Variants in ANKRD55 observed in about 807,000 individuals in gnomAD.
ANKRD55 encodes the protein ankyrin repeat domain-containing protein 55.
A neutral mutation model predicts 60.6 loss-of-function variants in ANKRD55; 41 were observed. That is an observed-to-expected ratio of 0.68 (90% confidence interval 0.53 to 0.88). The LOEUF is 0.88. ANKRD55 is among the 40% of genes least tolerant of loss of function. The probability of loss-of-function intolerance (pLI) is 0.00; values close to 1 mark genes in which losing one functional copy is unlikely to be tolerated. For synonymous variants in ANKRD55, 264 were observed against 290.3 expected, an observed-to-expected ratio of 0.91 and a Z score of 0.92; for missense variants, 732 against 767.6, an observed-to-expected ratio of 0.95 and a Z score of 0.55.
intron 2 of ANKRD55, among the ~76,000 whole-genome samples, chr5:56,192,269 A>C (rs1759113685): frequency 6.6e-6 from 1 of 152,252 alleles, no homozygotes; most frequent in Non-Finnish European, 1.5e-5. Context: ...TCCAGAATAC[A>C]CACAGGGTGA....
chr5:56,163,815 C>T (rs969115569), intron 5 of ANKRD55, among the ~76,000 whole-genome samples: 23 of 152,272 alleles, frequency 1.5e-4, no homozygotes, highest in African/African-American at 4.1e-4. Flanking sequence ...TGGCCAGGTG[C>T]GCTGGCTCAC....
intron 7 of ANKRD55, among the ~76,000 whole-genome samples, chr5:56,133,088 A>G (rs781542532): frequency 4.2e-4 from 64 of 152,350 alleles, no homozygotes; most frequent in Admixed American, 1.2e-3. Flanking sequence ...ACATCCCTCT[A>G]TCAGAAATGG....
At chr5:56,229,691 C>A (rs909724986) in intron 2 of ANKRD55, among the ~76,000 whole-genome samples, 6 of 152,126 alleles carry the variant, frequency 3.9e-5, no homozygotes, top group African/African-American at 1.4e-4. Context: ...TTCAGTCTTA[C>A]CAAACCCACC....
chr5:56,213,396 C>A (rs1008969880), intron 2 of ANKRD55, among the ~76,000 whole-genome samples: 2 of 151,642 alleles, frequency 1.3e-5, no homozygotes, highest in South Asian at 4.1e-4. Flanking sequence ...AAGGTAGGAG[C>A]GGGGATGGAT....
At chr5:56,110,914 A>T in intron 10 of ANKRD55, 1 of 603,536 alleles carries the variant, frequency 1.7e-6, no homozygotes, top group Non-Finnish European at 2.9e-6. Flanking sequence ...CTTGATGATT[A>T]CTTGAAGAGG....
chr5:56,123,305 G>A (rs1056159110), intron 8 of ANKRD55, among the ~76,000 whole-genome samples: 4 of 152,112 alleles, frequency 2.6e-5, no homozygotes, highest in Admixed American at 2.6e-4. Flanking sequence ...GGTTGGACAT[G>A]AGTATTTGGA....
Position 56,206,352 on chromosome 5 carries a change from C to T in ANKRD55, c.59-22718G>A, listed in dbSNP as rs147878752. ...TGACCCTTTAAAGTGTATGAGTATGCTTTCCGTACAGTCATAGATTGGCAG... is the reference window on the plus strand; with the variant it reads ...TGACCCTTTAAAGTGTATGAGTATGTTTTCCGTACAGTCATAGATTGGCAG... On this transcript the variant is annotated intron_variant, in intron 2 of 11. Coordinates refer to ENST00000341048, the MANE Select transcript of ANKRD55 (RefSeq NM_024669.3). Among the ~76,000 whole-genome samples, 454 of 152,250 alleles carry T rather than the reference C, an allele frequency of 3.0e-3. 3 individuals are homozygous for T. The highest frequency in any genetic ancestry group is 0.01 in the African/African-American group (418 of 41,552).
chr5:56,138,667 G>C (rs976284544), intron 7 of ANKRD55, among the ~76,000 whole-genome samples: 1 of 152,174 alleles, frequency 6.6e-6, no homozygotes, highest in Non-Finnish European at 1.5e-5. Flanking sequence ...GTGCTAAAGA[G>C]AAATGAGCTA....
chr5:56,211,345 T>C (rs1363239160), intron 2 of ANKRD55, among the ~76,000 whole-genome samples: 1 of 152,222 alleles, frequency 6.6e-6, no homozygotes, highest in East Asian at 1.9e-4. Context: ...TAGAGCTCAC[T>C]GTATCTCACT....
intron 10 of ANKRD55, among the ~76,000 whole-genome samples, chr5:56,106,244 T>C (rs1371194586): frequency 6.6e-6 from 1 of 152,138 alleles, no homozygotes; most frequent in African/African-American, 2.4e-5. Context: ...GTCAGTGCTA[T>C]AGTGGGATGA....
chr5:56,104,956 C>T (rs1354388011), intron 10 of ANKRD55, among the ~76,000 whole-genome samples: 2 of 152,174 alleles, frequency 1.3e-5, no homozygotes, highest in African/African-American at 2.4e-5. Context: ...CTAGCTAGCT[C>T]TGTGACCTTA....
rs1281721592 is a variant in ANKRD55, at chr5:56,159,837, T to C, written c.479A>G (p.Asn160Ser). 2 of 1,613,854 alleles carry C rather than the reference T, an allele frequency of 1.2e-6. No homozygotes were observed. The highest frequency in any genetic ancestry group is 1.7e-6 in the Non-Finnish European group (2 of 1,179,902). ...SNISEINHQD[N>S]EGMTPLHWAA... ...TTGCTTGAGAGTGTGGCTCACCTCA[T>C]TGTCCTGGTGATTAATCTCGCTGAT... Residue 160 changes from asparagine (N) to serine (S), a missense_variant, in exon 6 of 12, where the codon AAT becomes AGT. Physicochemically the swap from Asn to Ser is conservative, Grantham distance 46. This residue lies in a region of ANKRD55 where 597 missense variants were observed against 607.5 expected (regional missense o/e 0.98). Coordinates refer to ENST00000341048, the MANE Select transcript of ANKRD55 (RefSeq NM_024669.3).
intron 2 of ANKRD55, among the ~76,000 whole-genome samples, chr5:56,203,726 A>G (rs1561291222): frequency 6.6e-6 from 1 of 152,136 alleles, no homozygotes; most frequent in Non-Finnish European, 1.5e-5. Context: ...TTCTTAATCC[A>G]GTCTATTATT....
At chr5:56,225,177 A>C (rs1408592732) in intron 2 of ANKRD55, among the ~76,000 whole-genome samples, 2 of 152,208 alleles carry the variant, frequency 1.3e-5, no homozygotes, top group Non-Finnish European at 2.9e-5. Flanking sequence ...GGCTGCTTCA[A>C]CATACACAAA....
At chr5:56,130,528 C>A (rs1272990089) in intron 7 of ANKRD55, among the ~76,000 whole-genome samples, 5 of 152,172 alleles carry the variant, frequency 3.3e-5, no homozygotes, top group African/African-American at 4.8e-5. Flanking sequence ...TTCACCATTA[C>A]ATTACTAAAG....
chr5:56,153,531 T>G (rs1169137803), intron 6 of ANKRD55, among the ~76,000 whole-genome samples: 1 of 152,136 alleles, frequency 6.6e-6, no homozygotes, highest in Non-Finnish European at 1.5e-5. Flanking sequence ...TGTAACATGA[T>G]GAAGCCATTA....
chr5:56,109,058 CACACA>C (rs1309894055), intron 10 of ANKRD55, among the ~76,000 whole-genome samples: 2 of 151,830 alleles, frequency 1.3e-5, no homozygotes, highest in African/African-American at 2.4e-5. Context: ...CACACACACA[CACACA>C]CACACACACA....
Position 56,232,862 on chromosome 5 carries a change from G to A in ANKRD55, c.52C>T (p.Gln18Ter). 1 of 1,613,982 alleles carries A rather than the reference G, an allele frequency of 6.2e-7. No individual in the cohort carries two copies. Among genetic ancestry groups the A allele is most frequent in the Non-Finnish European group, 8.5e-7 (1 of 1,179,964 alleles). ...DFSTPSVFDQQRGDSSEEVDL... is the reference protein window; with the variant it reads ...DFSTPSVFDQ ...TGTTAAAGCAGCATTTTACCTCTTTGCTGATCAAACACAGAAGGGGTGCTG... is the reference window on the plus strand; with the variant it reads ...TGTTAAAGCAGCATTTTACCTCTTTACTGATCAAACACAGAAGGGGTGCTG... Residue 18 changes from glutamine to a stop codon, truncating the protein, a stop_gained, in exon 2 of 12, where the codon CAA (glutamine) becomes TAA (stop). Coordinates refer to ENST00000341048, the MANE Select transcript of ANKRD55 (RefSeq NM_024669.3). LOFTEE classifies it high-confidence loss of function.
chr5:56,215,374 G>A (rs1476260082), intron 2 of ANKRD55, among the ~76,000 whole-genome samples: 1 of 152,216 alleles, frequency 6.6e-6, no homozygotes, highest in Non-Finnish European at 1.5e-5. Flanking sequence ...CTGCCATGGA[G>A]ACTGAATCCT....
Sources: gnomAD v4.1 joint callset for allele counts (sites outside exome capture counted in the v4.1 genomes callset) on GRCh38, gnomAD v4.1.1 for gene constraint, gnomAD v4.1.1 regional missense constraint, MANE v1.5 for transcripts, NCBI Gene and HGNC (gene_info 2026-07-23, HGNC 2026-07-21) for gene names.